Variants in TRANK1 observed in about 807,000 individuals in gnomAD.
The protein encoded by TRANK1 is TPR and ankyrin repeat-containing protein 1.
A neutral mutation model predicts 266.0 loss-of-function variants in TRANK1; 198 were observed. The observed-to-expected ratio is 0.74, with a 90% CI of 0.66 to 0.84. The LOEUF (loss-of-function observed/expected upper bound fraction) is 0.84, where lower values mean the gene tolerates loss of function less well. Ranked by LOEUF, TRANK1 falls within the 40% of genes least tolerant of loss-of-function variation. TRANK1 has a pLI of 0.00. For synonymous variants in TRANK1, 1,396 were observed against 1,384.1 expected, an observed-to-expected ratio of 1.01 and a Z score of -0.19; for missense variants, 3,326 against 3,634.6, an observed-to-expected ratio of 0.92 and a Z score of 2.18.
chr3:36,844,764 A>G (rs559468881), intron 17 of TRANK1, among the ~76,000 whole-genome samples: 2 of 152,328 alleles, frequency 1.3e-5, no homozygotes, highest in South Asian at 2.1e-4. Context: ...GTCTTAGGAT[A>G]AGAAATCTAA....
chr3:36,860,811 C>T (rs910937902), intron 11 of TRANK1, 95 bp downstream of exon 11: 55 of 1,475,288 alleles, frequency 3.7e-5, no homozygotes, highest in Admixed American at 2.7e-4. Context: ...CTTCATGGTG[C>T]CTCCAAAAGC....
Position 36,832,632 on chromosome 3 carries a change from A to G in TRANK1, c.6951T>C (p.Asn2317=), listed in dbSNP as rs2078712894. The change falls in exon 22 of 24, where the codon AAT becomes AAC. Residue 2317 remains asparagine, a synonymous_variant. Coordinates refer to ENST00000645898, the MANE Select transcript of TRANK1 (RefSeq NM_001329998.2). ...ATTCCCGGCGGTTGCGTGCGCTTTC[A>G]TTTTCAAACAGAAAGTGGATGTACT... The part of the protein sequence containing the change: ...LKEYIHFLFE[N]ESARNRREST... 1 of 1,613,942 alleles carries G rather than the reference A, an allele frequency of 6.2e-7. No homozygotes were observed. The highest frequency in any genetic ancestry group is 8.5e-7 in the Non-Finnish European group (1 of 1,179,866).
At chr3:36,853,515 GTTCCC>G (rs2079012071) in intron 13 of TRANK1, among the ~76,000 whole-genome samples, 1 of 152,180 alleles carries the variant, frequency 6.6e-6, no homozygotes, top group Non-Finnish European at 1.5e-5. Flanking sequence ...TTCTACTGTG[GTTCCC>G]TTCCCATTAG....
Position 36,831,191 on chromosome 3 carries a change from C to A in TRANK1, c.8392G>T (p.Ala2798Ser). The A allele has an allele frequency of 1.2e-6, 2 of 1,613,976 alleles. No individual in the cohort carries two copies. The highest frequency in any genetic ancestry group is 1.7e-5 in the Admixed American group (1 of 60,032). The change falls in exon 22 of 24, where the codon GCA becomes TCA. Residue 2798 changes from alanine (A) to serine (S), a missense_variant. Ala to Ser is a moderately conservative substitution (Grantham distance 99, BLOSUM62 1). Transcript: ENST00000645898. The surrounding 1 kb of genome is among the most constrained non-coding windows in gnomAD (Gnocchi z 5.0). The stretch of plus-strand genomic sequence containing the variant: ...TCCAGCTCAGCCCTGGAAAGGACTG[C>A]CACCTCGGAAGCTGCCCCCTCAAAC... The part of the protein sequence containing the change: ...KAFEGAASEV[A>S]VLSRAELERE...
At chr3:36,923,129 C>A (rs1399704034) in intron 1 of TRANK1, among the ~76,000 whole-genome samples, 1 of 152,168 alleles carries the variant, frequency 6.6e-6, no homozygotes, top group Non-Finnish European at 1.5e-5. Flanking sequence ...CTATAAAATC[C>A]CCAGCAAGAC....
chr3:36,889,542 C>A (rs1003558866), intron 8 of TRANK1, among the ~76,000 whole-genome samples: 1 of 152,186 alleles, frequency 6.6e-6, no homozygotes, highest in Non-Finnish European at 1.5e-5. Context: ...AAGGAGGGAA[C>A]AAAGGCAGCC....
At chr3:36,885,862 T>C (rs1324092391) in intron 8 of TRANK1, among the ~76,000 whole-genome samples, 1 of 152,190 alleles carries the variant, frequency 6.6e-6, no homozygotes, top group Non-Finnish European at 1.5e-5. Flanking sequence ...TACAGCATGC[T>C]AACTTTATGT....
chr3:36,892,852 C>CATATATATATATATAT (rs60833390), intron 6 of TRANK1, 49 bp downstream of exon 6: 5 of 582,062 alleles, frequency 8.6e-6, no homozygotes, highest in Non-Finnish European at 9.1e-6. Context: ...CAAAACAAAA[C>CATATATATATATATAT]ATATATATAT....
rs745476398 is a variant in TRANK1 at position 36,889,960 on chromosome 3, C to T, written c.776G>A (p.Arg259Lys). ...HALMRLCIQA[R>K]ENHLFRWLMD... The stretch of plus-strand genomic sequence containing the variant: ...TAACCACCGGAAAAGATGGTTTTCT[C>T]CTGAAGGGAATTAAAATGACTTACT... Residue 259 changes from arginine (R) to lysine (K), a missense_variant and splice_region_variant, in exon 8 of 24, where the codon AGA becomes AAA. By Grantham distance (26) the Arg-to-Lys change is conservative. Coordinates refer to ENST00000645898, the MANE Select transcript of TRANK1 (RefSeq NM_001329998.2). 8 of 1,536,582 alleles carry T rather than the reference C, an allele frequency of 5.2e-6. No individual in the cohort carries two copies. In the South Asian group the frequency reaches 9.5e-5, roughly 18 times the overall value.
chr3:36,856,804 T>G lies in TRANK1; in HGVS notation c.2918A>C (p.Lys973Thr). 1 of 1,614,026 alleles carries G rather than the reference T, an allele frequency of 6.2e-7. No homozygotes were observed. Among genetic ancestry groups the G allele is most frequent in the Non-Finnish European group, 8.5e-7 (1 of 1,179,892 alleles). The stretch of plus-strand genomic sequence containing the variant: ...TTGGCCTTTATTGATACCTTTCAGC[T>G]TCTTCCGCAGGACACAGGACAAGCC... ...NRGLSCVLRKKLKGINKGQVS... is the reference protein window; with the variant it reads ...NRGLSCVLRKTLKGINKGQVS... Residue 973 changes from lysine (K) to threonine (T), a missense_variant, in exon 13 of 24, where the codon AAG becomes ACG. Physicochemically the swap from Lys to Thr is moderately conservative, Grantham distance 78. Transcript: ENST00000645898.
chr3:36,870,057 C>A (rs1331145837), intron 9 of TRANK1, among the ~76,000 whole-genome samples: 1 of 152,236 alleles, frequency 6.6e-6, no homozygotes, highest in East Asian at 1.9e-4. Flanking sequence ...TATATAATTT[C>A]ATTCAAAGAT....
chr3:36,926,550 G>T (rs1478693861), intron 1 of TRANK1, among the ~76,000 whole-genome samples: 1 of 152,042 alleles, frequency 6.6e-6, no homozygotes, highest in Non-Finnish European at 1.5e-5. Flanking sequence ...GAAATGGCCT[G>T]TAAGGCTCAC....
In TRANK1 at chr3:36,902,837, T is replaced by A. The variant is rs547271413; in HGVS notation, c.282+312A>T. Among the ~76,000 whole-genome samples, 3 of 152,356 alleles carry A rather than the reference T, an allele frequency of 2.0e-5. No homozygotes were observed. In the South Asian group the frequency reaches 6.2e-4, roughly 32 times the overall value. On this transcript the variant is annotated intron_variant, in intron 3 of 23. Transcript: ENST00000645898. ...CCTCTGTGATCTCCATTGTGCTCCATCCACTAGGAGGCCAAGCTCTGCTGT... is the reference window on the plus strand; with the variant it reads ...CCTCTGTGATCTCCATTGTGCTCCAACCACTAGGAGGCCAAGCTCTGCTGT...
intron 4 of TRANK1, among the ~76,000 whole-genome samples, chr3:36,898,339 A>C (rs2079823328): frequency 6.6e-6 from 1 of 151,722 alleles, no homozygotes; most frequent in Non-Finnish European, 1.5e-5. Flanking sequence ...AATCCCAGCT[A>C]CTCAGGAGGC....
At chr3:36,940,016 G>A (rs530774045) in intron 1 of TRANK1, among the ~76,000 whole-genome samples, 34 of 151,594 alleles carry the variant, frequency 2.2e-4, no homozygotes, top group Non-Finnish European at 3.1e-4. Context: ...TCAGCCTCCC[G>A]AGTAGCTAGG....
At chr3:36,897,162 C>T (rs2079804874) in intron 4 of TRANK1, among the ~76,000 whole-genome samples, 1 of 150,376 alleles carries the variant, frequency 6.6e-6, no homozygotes, top group African/African-American at 2.5e-5. Flanking sequence ...ATTAGCCGGA[C>T]GTGGTGGTGG....
chr3:36,924,896 C>A (rs984079672), intron 1 of TRANK1, among the ~76,000 whole-genome samples: 2 of 152,232 alleles, frequency 1.3e-5, no homozygotes, highest in African/African-American at 4.8e-5. Flanking sequence ...TGGCCTTAAG[C>A]TAAAGAGGCT....
chr3:36,865,069 C>A (rs1309981952), intron 9 of TRANK1, among the ~76,000 whole-genome samples: 14 of 139,074 alleles, frequency 1.0e-4, no homozygotes, highest in Non-Finnish European at 6.1e-5. Context: ...ACTCTATCGC[C>A]CAGGCTGGAG....
Position 36,846,262 on chromosome 3 carries a change from G to T in TRANK1, c.5177C>A (p.Thr1726Lys), listed in dbSNP as rs760542722. Reference protein sequence around the residue: ...IRRDFVQVVKTDENKDFDDSM... With the variant: ...IRRDFVQVVKKDENKDFDDSM... ...CAGGATCTTACCTTTATTTTCATCT[G>T]TCTTTACAACTTGGACAAAATCTCT... Residue 1726 changes from threonine (T) to lysine (K), a missense_variant, in exon 17 of 24, where the codon ACA becomes AAA. Physicochemically the swap from Thr to Lys is moderately conservative, Grantham distance 78. Transcript: ENST00000645898. 2 of 1,596,050 alleles carry T rather than the reference G, an allele frequency of 1.3e-6. No individual in the cohort carries two copies. The highest frequency in any genetic ancestry group is 3.5e-5 in the Admixed American group (2 of 57,020).
Sources: allele counts gnomAD v4.1 joint callset (sites outside exome capture counted in the v4.1 genomes callset), GRCh38; gene constraint gnomAD v4.1.1; non-coding constraint Gnocchi (gnomAD v3.1); transcripts MANE v1.5; gene names NCBI Gene and HGNC (gene_info 2026-07-23, HGNC 2026-07-21).